Variants in DIPK1A observed in about 807,000 individuals in gnomAD.
DIPK1A encodes the protein divergent protein kinase domain 1A, also known as family with sequence similarity 69 member A.
DIPK1A carries 27 observed loss-of-function variants against 40.8 expected under a neutral mutation model. That is an observed-to-expected ratio of 0.66 (90% CI 0.49 to 0.91). The LOEUF (loss-of-function observed/expected upper bound fraction) is 0.91, where lower values mean the gene tolerates loss of function less well. Ranked by LOEUF, DIPK1A falls within the 40% of genes least tolerant of loss-of-function variation. The pLI, the probability that DIPK1A is intolerant of heterozygous loss-of-function variation, is 0.00. For synonymous variants in DIPK1A, 166 were observed against 171.3 expected (o/e 0.97, Z 0.24); for missense variants, 412 against 505.7 (o/e 0.81, Z 1.78).
chr1:92,860,730 G>A (rs1296815955), intron 2 of DIPK1A, among the ~76,000 whole-genome samples: 1 of 151,538 alleles, frequency 6.6e-6, no homozygotes, highest in African/African-American at 2.4e-5. Context: ...GTTGTAGTGG[G>A]CCAAGATTGT....
At chr1:92,845,508 G>GAAAAAAAAA (rs552078855) in intron 4 of DIPK1A, 1 of 198,460 alleles carries the variant, frequency 5.0e-6, no homozygotes, top group East Asian at 2.1e-4. Flanking sequence ...GTCTATGCTA[G>GAAAAAAAAA]AAAAAAAAAA....
intron 1 of DIPK1A, among the ~76,000 whole-genome samples, chr1:92,922,328 C>CTTTTT (rs769055257): frequency 8.9e-6 from 1 of 112,292 alleles, no homozygotes; most frequent in African/African-American, 3.5e-5. Context: ...AGAAATTTTT[C>CTTTTT]TTTTCTTTTT....
rs866804790 is a variant in DIPK1A, at chr1:92,843,269, G to A, written c.*114C>T. On this transcript the variant is annotated 3_prime_UTR_variant, in exon 5 of 5. Transcript: ENST00000370310. ...CACATACTGATGGCTTCTCAGGCCT[G>A]GGGGGAAGGAGTTTTGTGTAACTGG... The A allele has an allele frequency of 3.2e-5, 46 of 1,448,344 alleles. No homozygotes were observed. The highest frequency in any genetic ancestry group is 2.6e-4 in the Middle Eastern group (1 of 3,896). 89.7% of individuals were successfully genotyped at this position (1,448,344 alleles called of 1,614,324 possible).
chr1:92,846,847 G>GTATATATATATATATA lies in DIPK1A; in HGVS notation c.474+335_474+336insTATATATATATATATA, dbSNP rs1204178725. On this transcript the variant is annotated intron_variant, in intron 4 of 4. Transcript: ENST00000370310. ...TATATATATATATATATATATGTGTGTATATATATATGTGTGTATATATAT... is the reference window on the plus strand; with the variant it reads ...TATATATATATATATATATATGTGTGTATATATATATATATATATATATATATGTGTGTATATATAT... Among the ~76,000 whole-genome samples the GTATATATATATATATA allele has an allele frequency of 0.017, 6 of 350 alleles. 2 individuals carry two copies. In the Admixed American group the frequency reaches 0.25, roughly 15 times the overall value. The allele number at this position is 350 out of a possible 152,430, so 0.2% of individuals were successfully genotyped here.
Position 92,884,082 on chromosome 1 carries a change from A to G in DIPK1A, c.55-7652T>C, listed in dbSNP as rs922203048. On this transcript the variant is annotated intron_variant, in intron 1 of 4. Coordinates refer to ENST00000370310, the MANE Select transcript of DIPK1A (RefSeq NM_001006605.5). The stretch of plus-strand genomic sequence containing the variant: ...TGACTGAAAACAGTTCTCATTCCAT[A>G]TGATGGGCTCAATAACTATCAGCAA... Among the ~76,000 whole-genome samples the G allele has an allele frequency of 5.9e-5, 9 of 152,350 alleles. 1 individual carries two copies. The highest frequency in any genetic ancestry group is 1.9e-4 in the African/African-American group (8 of 41,580).
intron 2 of DIPK1A, among the ~76,000 whole-genome samples, chr1:92,859,728 G>A (rs1361632310): frequency 1.3e-5 from 2 of 152,108 alleles, no homozygotes; most frequent in Non-Finnish European, 2.9e-5. Context: ...CTCGAGACAG[G>A]GTCTCACTCT....
chr1:92,956,257 A>T (rs1189405862), intron 1 of DIPK1A, among the ~76,000 whole-genome samples: 1 of 152,194 alleles, frequency 6.6e-6, no homozygotes, highest in Non-Finnish European at 1.5e-5. Context: ...TGTATGGTCC[A>T]GTTTGAAAGA....
At position 92,944,079 on chromosome 1, in the gene DIPK1A, A is replaced by G. The variant is rs184752623; in HGVS notation, c.54+17297T>C. 4.3e-3 allele frequency among the ~76,000 whole-genome samples: 659 copies of G among 152,286 alleles called. 3 individuals carry two copies. The highest frequency in any genetic ancestry group is 6.0e-3 in the Non-Finnish European group (410 of 68,020). ...AAGAAACAAATAACTTTTAAATTAA[A>G]TATAAGATCCTTAGAGTTTAAAAAG... On this transcript the variant is annotated intron_variant, in intron 1 of 4. Transcript: ENST00000370310.
At chr1:92,844,269 G>A in intron 4 of DIPK1A, 74 bp from the exon 5 acceptor site, 1 of 913,922 alleles carries the variant, frequency 1.1e-6, no homozygotes. Context: ...TTTCTTTACG[G>A]GCATTATTAA....
chr1:92,909,133 C>T (rs4847383), intron 1 of DIPK1A, among the ~76,000 whole-genome samples: 151,665 of 152,346 alleles, frequency 1, 75,499 homozygotes, highest in Middle Eastern at 1. Flanking sequence ...GTTTGCTACA[C>T]TAAAACTCTT....
intron 1 of DIPK1A, among the ~76,000 whole-genome samples, chr1:92,939,533 C>T (rs1651071859): frequency 6.6e-6 from 1 of 152,166 alleles, no homozygotes; most frequent in Non-Finnish European, 1.5e-5. Context: ...CTCACTTCTG[C>T]TTCTATTTGT....
chr1:92,959,856 C>T (rs1290171884), intron 1 of DIPK1A, among the ~76,000 whole-genome samples: 1 of 149,538 alleles, frequency 6.7e-6, no homozygotes, highest in African/African-American at 2.5e-5. Context: ...AAGCCATACT[C>T]CCACTTCAGC....
rs533538462 is a variant in DIPK1A at position 92,891,670 on chromosome 1, T to C, written c.55-15240A>G. On this transcript the variant is annotated intron_variant, in intron 1 of 4. Transcript: ENST00000370310. ...TTGTCAGACAGTGGGTGCAGGACAG[T>C]GGGTGCAGTGCACCGAGCCTGAGCT... Among the ~76,000 whole-genome samples the C allele has an allele frequency of 4.1e-4, 62 of 152,230 alleles. 1 individual carries two copies. Among genetic ancestry groups the C allele is most frequent in the African/African-American group, 1.4e-3 (59 of 41,552 alleles).
downstream of DIPK1A, among the ~76,000 whole-genome samples, chr1:92,838,952 T>C (rs1325207882): frequency 6.6e-6 from 1 of 152,226 alleles, no homozygotes; most frequent in Non-Finnish European, 1.5e-5. Flanking sequence ...TCCACATTGA[T>C]TGAATAATTT....
chr1:92,888,603 C>A (rs950049036), intron 1 of DIPK1A, among the ~76,000 whole-genome samples: 1 of 152,180 alleles, frequency 6.6e-6, no homozygotes, highest in African/African-American at 2.4e-5. Context: ...TTTGAGGAAC[C>A]TCCATGTTGA....
chr1:92,942,662 A>T (rs1203513262), intron 1 of DIPK1A, among the ~76,000 whole-genome samples: 1 of 151,672 alleles, frequency 6.6e-6, no homozygotes, highest in Non-Finnish European at 1.5e-5. Flanking sequence ...TAGGTTTTTT[A>T]TTTTTATTTA....
chr1:92,877,207 T>A (rs1403018519), intron 1 of DIPK1A: 2 of 791,920 alleles, frequency 2.5e-6, no homozygotes, highest in Non-Finnish European at 3.1e-6. Flanking sequence ...GATGCCTTTT[T>A]TCCATCAATT....
At chr1:92,880,367 T>C (rs1038515676) in intron 1 of DIPK1A, among the ~76,000 whole-genome samples, 1 of 152,074 alleles carries the variant, frequency 6.6e-6, no homozygotes, top group Non-Finnish European at 1.5e-5. Flanking sequence ...GAGTAAATGA[T>C]TGCCAATATT....
chr1:92,868,365 A>G (rs905644364), intron 2 of DIPK1A, among the ~76,000 whole-genome samples: 2 of 152,236 alleles, frequency 1.3e-5, no homozygotes, highest in Non-Finnish European at 2.9e-5. Context: ...GTAATAAGAC[A>G]GATTTTCATA....
Sources: allele counts gnomAD v4.1 joint callset (sites outside exome capture counted in the v4.1 genomes callset), GRCh38; gene constraint gnomAD v4.1.1; transcripts MANE v1.5; gene names NCBI Gene and HGNC (gene_info 2026-07-23, HGNC 2026-07-21).